Variants in UBAC2 observed in about 807,000 individuals in gnomAD.
UBAC2 encodes the protein ubiquitin-associated domain-containing protein 2.
Under a neutral mutation model 44.0 loss-of-function variants are expected in UBAC2, and 26 were observed. The observed-to-expected ratio is 0.59, with a 90% CI of 0.43 to 0.82. The LOEUF (loss-of-function observed/expected upper bound fraction) is 0.82. Ranked by LOEUF, UBAC2 falls within the 40% of genes least tolerant of loss-of-function variation. The pLI is 0.00. For missense variants in UBAC2, 329 were observed against 419.4 expected (o/e 0.78, Z 1.88); for synonymous variants, 155 against 154.3 (o/e 1.00, Z -0.04).
In UBAC2 at chr13:99,340,419, ATCT is replaced by A. The variant is rs1490161147; in HGVS notation, c.665_667del (p.Phe222del). On this transcript the variant is annotated inframe_deletion, in exon 7 of 9. Coordinates refer to ENST00000403766, the MANE Select transcript of UBAC2 (RefSeq NM_001144072.2). ...ATTCTTTTCTTGGACACTTGAACCC[ATCT>A]TCTCTTCTTCAGAACCCACCAGCGA... The A allele has an allele frequency of 6.2e-7, 1 of 1,614,112 alleles. No individual in the cohort carries two copies. Among genetic ancestry groups the A allele is most frequent in the Non-Finnish European group, 8.5e-7 (1 of 1,180,050 alleles).
At chr13:99,372,827 T>G (rs550219335) in intron 8 of UBAC2, 1 of 152,346 alleles carries the variant, frequency 6.6e-6, no homozygotes, top group East Asian at 1.9e-4. Context: ...GAAATAAGTG[T>G]ATCCAGGCCG....
chr13:99,378,166 A>T (rs1429301500), intron 8 of UBAC2, among the ~76,000 whole-genome samples: 1 of 152,188 alleles, frequency 6.6e-6, no homozygotes, highest in Non-Finnish European at 1.5e-5. Context: ...CTTGACTCAG[A>T]ACCATCTCAG....
chr13:99,274,796 C>A (rs1263626676), intron 4 of UBAC2, among the ~76,000 whole-genome samples: 1 of 151,412 alleles, frequency 6.6e-6, no homozygotes, highest in Non-Finnish European at 1.5e-5. Context: ...TGGTTCACTG[C>A]AGCCTCAACT....
At chr13:99,223,685 T>C (rs745633739) in intron 1 of UBAC2, among the ~76,000 whole-genome samples, 21 of 152,128 alleles carry the variant, frequency 1.4e-4, no homozygotes, top group Middle Eastern at 6.8e-3. Flanking sequence ...TGCTTGGTTG[T>C]GCTTCATTTT....
At chr13:99,369,265 G>A (rs1430483845) in intron 8 of UBAC2, among the ~76,000 whole-genome samples, 2 of 152,130 alleles carry the variant, frequency 1.3e-5, no homozygotes, top group Non-Finnish European at 2.9e-5. Context: ...ACCTATAATT[G>A]TCGAACTTTA....
At chr13:99,384,055 C>T (rs1165674035) in intron 8 of UBAC2, among the ~76,000 whole-genome samples, 1 of 152,240 alleles carries the variant, frequency 6.6e-6, no homozygotes, top group Non-Finnish European at 1.5e-5. Context: ...CATGCCCGGC[C>T]CCTCCTCCAG....
At chr13:99,267,551 C>T (rs1353156853) in intron 4 of UBAC2, among the ~76,000 whole-genome samples, 1 of 152,134 alleles carries the variant, frequency 6.6e-6, no homozygotes, top group Non-Finnish European at 1.5e-5. Context: ...TTGCCTTGTC[C>T]AGGAGGATAT....
At chr13:99,233,723 A>G (rs2043201986) in intron 1 of UBAC2, among the ~76,000 whole-genome samples, 1 of 152,220 alleles carries the variant, frequency 6.6e-6, no homozygotes, top group African/African-American at 2.4e-5. Context: ...CAGCTAAGAA[A>G]TAGAAAAGTA....
chr13:99,316,371 T>G (rs1421520511), intron 5 of UBAC2, among the ~76,000 whole-genome samples: 2 of 152,150 alleles, frequency 1.3e-5, no homozygotes, highest in Non-Finnish European at 2.9e-5. Context: ...TGTGCCTTTG[T>G]CTCTCCCCAC....
At chr13:99,336,989 C>T (rs1271710745) in intron 6 of UBAC2, among the ~76,000 whole-genome samples, 1 of 152,004 alleles carries the variant, frequency 6.6e-6, no homozygotes. Flanking sequence ...TCTGTGACCC[C>T]TCCTAGCACA....
At chr13:99,264,841 A>C (rs998966947) in intron 4 of UBAC2, among the ~76,000 whole-genome samples, 6 of 152,096 alleles carry the variant, frequency 3.9e-5, no homozygotes, top group Non-Finnish European at 8.8e-5. Flanking sequence ...TCCAGGATGC[A>C]TTTCCTAAGT....
At chr13:99,344,268 T>C (rs1372459768) in intron 7 of UBAC2, among the ~76,000 whole-genome samples, 1 of 152,192 alleles carries the variant, frequency 6.6e-6, no homozygotes, top group Non-Finnish European at 1.5e-5. Context: ...TGTGTCTGAC[T>C]CTGAGGTCTC....
chr13:99,370,971 G>T (rs2045397742), intron 8 of UBAC2, among the ~76,000 whole-genome samples: 1 of 152,174 alleles, frequency 6.6e-6, no homozygotes, highest in African/African-American at 2.4e-5. Context: ...CAGCTGAAAA[G>T]AAATATCAAA....
rs74898814 is a variant in UBAC2, at chr13:99,292,902, A to G, written c.390-21195A>G. On this transcript the variant is annotated intron_variant, in intron 4 of 8. Transcript: ENST00000403766. ...ATAAAGTCATGTTCTGTAACAGAAT[A>G]TAACAATTATACAGCCCTGTCCTGT... Among the ~76,000 whole-genome samples the G allele has an allele frequency of 1.9e-3, 290 of 152,352 alleles. 1 individual carries two copies. The highest frequency in any genetic ancestry group is 6.9e-3 in the African/African-American group (285 of 41,590).
chr13:99,289,780 C>T (rs2044065679), intron 4 of UBAC2, among the ~76,000 whole-genome samples: 1 of 152,138 alleles, frequency 6.6e-6, no homozygotes, highest in African/African-American at 2.4e-5. Flanking sequence ...GGTGGGAGTT[C>T]TCACTTACTC....
chr13:99,314,995 C>T (rs1218212310), intron 5 of UBAC2, among the ~76,000 whole-genome samples: 2 of 152,164 alleles, frequency 1.3e-5, no homozygotes, highest in East Asian at 1.9e-4. Flanking sequence ...CATAACATTC[C>T]TTATCCCACG....
At chr13:99,368,349 A>G (rs1169349772) in intron 8 of UBAC2, among the ~76,000 whole-genome samples, 2 of 152,268 alleles carry the variant, frequency 1.3e-5, no homozygotes, top group Admixed American at 1.3e-4. Context: ...AAAAGAAACA[A>G]ACAAATGCTC....
At chr13:99,255,576 A>G in intron 4 of UBAC2, 1 of 1,614,200 alleles carries the variant, frequency 6.2e-7, no homozygotes, top group Non-Finnish European at 8.5e-7. Context: ...ACACTGTGAG[A>G]GCTCCAAGAA....
At chr13:99,239,118 A>G (rs1249483825) in intron 2 of UBAC2, among the ~76,000 whole-genome samples, 1 of 152,204 alleles carries the variant, frequency 6.6e-6, no homozygotes, top group African/African-American at 2.4e-5. Flanking sequence ...ATTCTGGTAT[A>G]TGACTGCTAC....
Sources: allele counts gnomAD v4.1 joint callset (sites outside exome capture counted in the v4.1 genomes callset), GRCh38; gene constraint gnomAD v4.1.1; transcripts MANE v1.5; gene names NCBI Gene and HGNC (gene_info 2026-07-23, HGNC 2026-07-21).